Variants in SUN1 observed in about 807,000 individuals in gnomAD.
The protein encoded by SUN1 is SUN domain-containing protein 1.
SUN1 carries 61 observed loss-of-function variants against 103.2 expected under a neutral mutation model. The ratio of observed to expected loss-of-function variants is 0.59; its 90% confidence interval spans 0.48 to 0.73. SUN1 has a LOEUF of 0.73. SUN1 is among the 30% of genes least tolerant of loss of function. The probability of loss-of-function intolerance (pLI) is 0.00; values close to 1 mark genes in which losing one functional copy is unlikely to be tolerated. For synonymous variants in SUN1, 490 were observed against 425.7 expected (o/e 1.15, Z -1.86); for missense variants, 1,052 against 1,034.6 (o/e 1.02, Z -0.23).
At chr7:842,194 G>T (rs1460757281) in intron 3 of SUN1, 64 bp downstream of exon 3, 3 of 1,557,536 alleles carry the variant, frequency 1.9e-6, no homozygotes, top group African/African-American at 1.4e-5. Context: ...ATTATGCTGG[G>T]GAGAGGGGAG....
chr7:848,418 G>C (rs1020255754), intron 5 of SUN1: 3 of 1,355,240 alleles, frequency 2.2e-6, no homozygotes, highest in Admixed American at 4.1e-5. Context: ...TTTTTAATAG[G>C]CGGTGCGTCT....
chr7:864,348 G>C (rs1266363268), intron 15 of SUN1, among the ~76,000 whole-genome samples: 2 of 152,022 alleles, frequency 1.3e-5, no homozygotes, highest in African/African-American at 4.8e-5. Flanking sequence ...GGGAGTTTGA[G>C]ACCACCCTGA....
In SUN1 at chr7:872,429, T is replaced by G. The variant is rs776812744; in HGVS notation, c.2149-41T>G. 5 of 1,531,272 alleles carry G rather than the reference T, an allele frequency of 3.3e-6. No individual in the cohort carries two copies. In the East Asian group the frequency reaches 1.2e-4, roughly 36 times the overall value. The allele number at this position is 1,531,272 out of a possible 1,614,324, so 94.9% of individuals were successfully genotyped here. A position where few individuals can be genotyped will look rare whatever the true frequency, so the allele number is the denominator to read the frequency against. On this transcript the variant is annotated intron_variant, in intron 17 of 18. Coordinates refer to ENST00000401592, the MANE Select transcript of SUN1 (RefSeq NM_001130965.3). The stretch of plus-strand genomic sequence containing the variant: ...GAACGGTCCTCTCTGCTCAGTGTTA[T>G]TTTTCCATTCGTTCATAATTGTGTA...
chr7:815,901 T>G (rs919284690), upstream of SUN1: 2 of 225,050 alleles, frequency 8.9e-6, no homozygotes, highest in African/African-American at 2.4e-5. Flanking sequence ...ATGGGAGACG[T>G]GCGGAAGGCC....
In SUN1 at chr7:832,698, T is replaced by G. The variant is rs1246847084; in HGVS notation, c.77+97T>G. ...ACAGGAACTCCATAGTACTACCGAC[T>G]ACATGCTGTATTTTGAAGGTGAAAA... is the stretch of plus-strand genomic sequence containing the variant. On this transcript the variant is annotated intron_variant, in intron 1 of 18. Transcript: ENST00000401592. 3 of 892,866 alleles carry G rather than the reference T, an allele frequency of 3.4e-6. No homozygotes were observed. In the East Asian group the frequency reaches 7.9e-5, roughly 24 times the overall value. 55.3% of individuals were successfully genotyped at this position (892,866 alleles called of 1,614,324 possible). A position where few individuals can be genotyped will look rare whatever the true frequency, so the allele number is the denominator to read the frequency against.
chr7:822,924 CCACA>C (rs940578371), intron 1 of SUN1, among the ~76,000 whole-genome samples: 4 of 152,134 alleles, frequency 2.6e-5, no homozygotes, highest in African/African-American at 9.7e-5. Context: ...CCGTGAATTC[CCACA>C]CACACACGGC....
chr7:832,584 C>T lies in SUN1; in HGVS notation c.60C>T (p.Gly20=). 1.2e-6 allele frequency: 2 copies of T among 1,612,214 alleles called. No homozygotes were observed. The highest frequency in any genetic ancestry group is 1.7e-6 in the Non-Finnish European group (2 of 1,179,070). The change falls in exon 1 of 19, where the codon GGC becomes GGT. Residue 20 remains glycine (G), a synonymous_variant. Transcript: ENST00000401592. ...SPPQCVPENT[G]YTYALSSSYS... ...CCCAGTGTGTGCCGGAGAACACGGG[C>T]TACACGTATGCGCTCAGGTGAGTGT...
At chr7:822,657 C>A (rs957589952) in intron 1 of SUN1, among the ~76,000 whole-genome samples, 2 of 152,134 alleles carry the variant, frequency 1.3e-5, no homozygotes, top group African/African-American at 4.8e-5. Flanking sequence ...GAGCCTGGTA[C>A]TTGGTGCTGG....
In SUN1 at chr7:838,835, G is replaced by A; in HGVS notation, c.115G>A (p.Glu39Lys). Residue 39 changes from glutamate (E) to lysine (K), a missense_variant, in exon 2 of 19, where the codon GAG becomes AAG. By Grantham distance (56) the Glu-to-Lys change is moderately conservative. Around this residue, in one of 2 missense-constraint regions of SUN1, gnomAD observed 846 missense variants for 774.5 expected, o/e 1.09. Coordinates refer to ENST00000401592, the MANE Select transcript of SUN1 (RefSeq NM_001130965.3). ...TTCAGATGCTCTGGATTTTGAGACG[G>A]AGCACAAATTGGACCCTGTATTTGA... ...YSSDALDFETEHKLDPVFDSP... is the reference protein window; with the variant it reads ...YSSDALDFETKHKLDPVFDSP... The A allele has an allele frequency of 1.3e-6, 2 of 1,568,074 alleles. No individual in the cohort carries two copies. The highest frequency in any genetic ancestry group is 2.3e-5 in the East Asian group (1 of 43,148).
intron 5 of SUN1, among the ~76,000 whole-genome samples, chr7:850,936 A>C (rs1181194134): frequency 1.3e-5 from 2 of 152,202 alleles, no homozygotes; most frequent in Non-Finnish European, 2.9e-5. Context: ...ATTAGCCTTT[A>C]GAATAATGTT....
At chr7:865,461 G>A (rs886415065) in intron 15 of SUN1, among the ~76,000 whole-genome samples, 3 of 152,120 alleles carry the variant, frequency 2.0e-5, no homozygotes, top group African/African-American at 7.2e-5. Flanking sequence ...GTATATGTAC[G>A]CCATTTTCCT....
intron 2 of SUN1, 85 bp downstream of exon 2, chr7:839,071 A>G: frequency 7.4e-7 from 1 of 1,357,682 alleles, no homozygotes. Context: ...GTAAAGCCGC[A>G]CCCTGTCTCG....
chr7:823,379 A>G (rs1249458510), intron 1 of SUN1, among the ~76,000 whole-genome samples: 1 of 152,170 alleles, frequency 6.6e-6, no homozygotes, highest in Non-Finnish European at 1.5e-5. Flanking sequence ...TCTGCTGAAC[A>G]TTAAGTGTGA....
intron 10 of SUN1, 69 bp from the exon 11 acceptor site, chr7:854,851 T>TG: frequency 8.5e-7 from 1 of 1,170,176 alleles, no homozygotes; most frequent in Non-Finnish European, 1.3e-6. Context: ...AGAAACGCCT[T>TG]GGCCTGATTT....
chr7:845,886 C>T (rs1318796349), intron 5 of SUN1, among the ~76,000 whole-genome samples: 2 of 152,098 alleles, frequency 1.3e-5, no homozygotes. Context: ...GCTTGGGAGT[C>T]GTTGGCCTCC....
intron 1 of SUN1, among the ~76,000 whole-genome samples, chr7:833,404 A>G (rs1361934951): frequency 6.6e-6 from 1 of 150,378 alleles, no homozygotes; most frequent in Non-Finnish European, 1.5e-5. Context: ...TCCGCCTCCC[A>G]GATTCAAGCA....
At chr7:847,909 G>A (rs557182761) in intron 5 of SUN1, among the ~76,000 whole-genome samples, 49 of 151,222 alleles carry the variant, frequency 3.2e-4, no homozygotes, top group African/African-American at 8.5e-4. Context: ...GGATCCCCTG[G>A]GGGTTACTCC....
At chr7:844,577 A>T (rs1584628401) in intron 5 of SUN1, among the ~76,000 whole-genome samples, 1 of 152,038 alleles carries the variant, frequency 6.6e-6, no homozygotes, top group African/African-American at 2.4e-5. Flanking sequence ...GGTGTTATGG[A>T]CACTGCTAGT....
intron 1 of SUN1, chr7:833,237 A>C (rs78461720): frequency 6.6e-6 from 1 of 152,004 alleles, no homozygotes; most frequent in Non-Finnish European, 1.5e-5. Context: ...CAGGTTGGAA[A>C]ACTTGTGCAC....
Sources: allele counts gnomAD v4.1 joint callset (sites outside exome capture counted in the v4.1 genomes callset), GRCh38; gene constraint gnomAD v4.1.1; regional missense constraint gnomAD v4.1.1; transcripts MANE v1.5; gene names NCBI Gene and HGNC (gene_info 2026-07-23, HGNC 2026-07-21).